The following SOX30 variants were observed in gnomAD, a reference collection of about 807,000 sequenced individuals.
SOX30 encodes the protein transcription factor SOX-30.
In SOX30, 17 loss-of-function variants were observed where a neutral mutation model predicts 58.6. The observed-to-expected ratio is 0.29, with a 90% CI of 0.20 to 0.44. The LOEUF is 0.44. SOX30 is among the 20% of genes least tolerant of loss of function. The pLI is 1.00. For synonymous variants in SOX30, 421 were observed against 400.2 expected (o/e 1.05, Z -0.62); for missense variants, 951 against 965.8 (o/e 0.98, Z 0.20).
intron 1 of SOX30, among the ~76,000 whole-genome samples, chr5:157,670,818 A>T (rs559741555): frequency 1.3e-5 from 2 of 152,342 alleles, no homozygotes; most frequent in South Asian, 2.1e-4. Context: ...TGACTTGTTC[A>T]GAGTCATAAA....
intron 3 of SOX30, among the ~76,000 whole-genome samples, chr5:157,640,613 C>T (rs987050543): frequency 6.6e-6 from 1 of 152,144 alleles, no homozygotes; most frequent in Non-Finnish European, 1.5e-5. Context: ...ACAAATCTTA[C>T]TCAAGGGAAT....
rs142008369 is a variant in SOX30, at chr5:157,626,263, C to CT, written c.*76dup. 8,205 of 1,169,300 alleles carry CT rather than the reference C, an allele frequency of 7.0e-3. No homozygotes were observed. The highest frequency in any genetic ancestry group is 8.7e-3 in the South Asian group (466 of 53,866). 72.4% of individuals were successfully genotyped at this position (1,169,300 alleles called of 1,614,324 possible). A position where few individuals can be genotyped will look rare whatever the true frequency, so the allele number is the denominator to read the frequency against. ...AAAACTTTCAACAAAGAATTCTAGG[C>CT]TTTTTTTTTTCTCATACCAACTGAC... On this transcript the variant is annotated 3_prime_UTR_variant, in exon 5 of 5. Coordinates refer to ENST00000265007, the MANE Select transcript of SOX30 (RefSeq NM_178424.2).
At chr5:157,635,432 T>C (rs1758902706) in intron 4 of SOX30, among the ~76,000 whole-genome samples, 1 of 152,196 alleles carries the variant, frequency 6.6e-6, no homozygotes. Context: ...GAGACCAGCC[T>C]GACCAATATG....
At chr5:157,646,895 C>A in intron 2 of SOX30, 79 bp from the exon 3 acceptor site, 1 of 1,060,024 alleles carries the variant, frequency 9.4e-7, no homozygotes. Flanking sequence ...AAATGCAAAG[C>A]ACTTTAAAGT....
At chr5:157,642,555 ATGGAGATTATTTTACATGAC>A (rs1759092896) in intron 3 of SOX30, among the ~76,000 whole-genome samples, 3 of 152,124 alleles carry the variant, frequency 2.0e-5, no homozygotes, top group African/African-American at 7.2e-5. Context: ...TCATAGAAAA[ATGGAGATTATTTTACATGAC>A]AATGCTAAAA....
intron 4 of SOX30, among the ~76,000 whole-genome samples, chr5:157,631,216 TG>T (rs1174914577): frequency 6.6e-6 from 1 of 151,178 alleles, no homozygotes; most frequent in Non-Finnish European, 1.5e-5. Flanking sequence ...CCCAAGTACC[TG>T]AGACTACAGG....
At chr5:157,637,757 G>A (rs1240324142) in intron 4 of SOX30, among the ~76,000 whole-genome samples, 1 of 151,338 alleles carries the variant, frequency 6.6e-6, no homozygotes, top group African/African-American at 2.4e-5. Context: ...AAGTTGGTGT[G>A]ATCTCAGCTC....
chr5:157,662,646 AG>A (rs34789008), intron 2 of SOX30, among the ~76,000 whole-genome samples: 1 of 152,192 alleles, frequency 6.6e-6, no homozygotes, highest in African/African-American at 2.4e-5. Flanking sequence ...CTCCTCAGCC[AG>A]GGAACTCTAA....
intron 4 of SOX30, among the ~76,000 whole-genome samples, chr5:157,631,618 G>A (rs879937932): frequency 3.3e-5 from 5 of 152,028 alleles, no homozygotes; most frequent in African/African-American, 9.7e-5. Flanking sequence ...AAAATAAGCC[G>A]GGCATGGTGG....
In SOX30 at chr5:157,652,344, C is replaced by G; in HGVS notation, c.-266G>C. 1 of 1,197,028 alleles carries G rather than the reference C, an allele frequency of 8.4e-7. No individual in the cohort carries two copies. The highest frequency in any genetic ancestry group is 1.0e-6 in the Non-Finnish European group (1 of 966,652). 74.2% of individuals were successfully genotyped at this position (1,197,028 alleles called of 1,614,324 possible). ...AATCACCTGCCATGGTAGGAGCCGC[C>G]GCACTTGTTGCACATTTTCGTTCTG... On this transcript the variant is annotated 5_prime_UTR_variant, in exon 1 of 5. Coordinates refer to ENST00000265007, the MANE Select transcript of SOX30 (RefSeq NM_178424.2).
chr5:157,632,212 G>A (rs1470630919), intron 4 of SOX30, among the ~76,000 whole-genome samples: 1 of 152,072 alleles, frequency 6.6e-6, no homozygotes, highest in African/African-American at 2.4e-5. Flanking sequence ...CTGTGTTAGT[G>A]CATGATTGCC....
intron 3 of SOX30, among the ~76,000 whole-genome samples, chr5:157,644,983 A>AAAAT (rs1462708925): frequency 2.6e-5 from 4 of 152,232 alleles, no homozygotes; most frequent in African/African-American, 4.8e-5. Flanking sequence ...TCTGTCTTAA[A>AAAAT]AAATAAATAA....
At chr5:157,647,964 A>G (rs1458403374) in intron 2 of SOX30, among the ~76,000 whole-genome samples, 1 of 152,208 alleles carries the variant, frequency 6.6e-6, no homozygotes, top group East Asian at 1.9e-4. Flanking sequence ...AGAACAGTGG[A>G]ACTATGGCAT....
rs1759380089 is a variant in SOX30, at chr5:157,652,370, ACT to A, written c.-294_-293del. The A allele has an allele frequency of 6.5e-5, 74 of 1,147,096 alleles. 1 individual carries two copies. The South Asian group carries it at 2.6e-3, about 41-fold the overall frequency. 71.1% of individuals were successfully genotyped at this position (1,147,096 alleles called of 1,614,324 possible). On this transcript the variant is annotated 5_prime_UTR_variant, in exon 1 of 5. The change abolishes the stop of an existing upstream ORF in the 5' untranslated region. Coordinates refer to ENST00000265007, the MANE Select transcript of SOX30 (RefSeq NM_178424.2). Reference sequence around the variant, plus strand: ...GCACTTGTTGCACATTTTCGTTCTGACTCTCTTGTGGAGTTCTCTTACAGCCG... The same window carrying A: ...GCACTTGTTGCACATTTTCGTTCTGACTCTTGTGGAGTTCTCTTACAGCCG...
Position 157,651,334 on chromosome 5 carries a change from C to T in SOX30, c.745G>A (p.Gly249Ser), listed in dbSNP as rs1397309425. The T allele has an allele frequency of 4.3e-6, 7 of 1,613,878 alleles. No individual in the cohort carries two copies. The highest frequency in any genetic ancestry group is 4.0e-5 in the African/African-American group (3 of 74,944). ...SAEVILAPTSGAFGPHQQDLR... is the reference protein window; with the variant it reads ...SAEVILAPTSSAFGPHQQDLR... ...TCTTGCTGGTGCGGCCCAAAGGCAC[C>T]GGACGTTGGGGCCAAGATGACCTCC... The change falls in exon 1 of 5, where the codon GGT becomes AGT. Residue 249 changes from glycine (G) to serine (S), a missense_variant. By Grantham distance (56) the Gly-to-Ser change is moderately conservative (BLOSUM62 0). This residue lies in a region of SOX30 where 84 missense variants were observed against 68.2 expected (regional missense o/e 1.23). Coordinates refer to ENST00000265007, the MANE Select transcript of SOX30 (RefSeq NM_178424.2).
intron 3 of SOX30, among the ~76,000 whole-genome samples, chr5:157,645,821 G>C (rs950758785): frequency 7.2e-4 from 109 of 152,112 alleles, no homozygotes; most frequent in African/African-American, 2.4e-3. Context: ...GGGAGTTCCA[G>C]ACCAGCCTGA....
At chr5:157,669,208 T>G (rs954881006) in intron 1 of SOX30, among the ~76,000 whole-genome samples, 7 of 152,196 alleles carry the variant, frequency 4.6e-5, no homozygotes, top group African/African-American at 1.7e-4. Context: ...TCATTTAATT[T>G]TTTGAGACAG....
At chr5:157,649,407 G>C (rs1343691440) in intron 1 of SOX30, among the ~76,000 whole-genome samples, 1 of 152,164 alleles carries the variant, frequency 6.6e-6, no homozygotes, top group African/African-American at 2.4e-5. Context: ...TATATTAGTT[G>C]TATTTCACTA....
At chr5:157,627,423 T>C (rs1202679305) in intron 4 of SOX30, among the ~76,000 whole-genome samples, 3 of 151,994 alleles carry the variant, frequency 2.0e-5, no homozygotes, top group Non-Finnish European at 4.4e-5. Flanking sequence ...AATGCAATAG[T>C]GCAATAGTTG....
Sources: allele counts gnomAD v4.1 joint callset (sites outside exome capture counted in the v4.1 genomes callset), GRCh38; gene constraint gnomAD v4.1.1; regional missense constraint gnomAD v4.1.1; transcripts MANE v1.5; gene names NCBI Gene and HGNC (gene_info 2026-07-23, HGNC 2026-07-21).